Variants in OPCML observed in about 807,000 individuals in gnomAD.
OPCML encodes the protein opioid binding protein/cell adhesion molecule like.
A neutral mutation model predicts 37.8 loss-of-function variants in OPCML; 13 were observed. The observed-to-expected ratio is 0.34, with a 90% CI of 0.22 to 0.55. OPCML has a LOEUF of 0.55. Ranked by LOEUF, OPCML falls within the 20% of genes least tolerant of loss-of-function variation. OPCML has a pLI of 0.91. For missense variants in OPCML, 341 were observed against 435.6 expected, an observed-to-expected ratio of 0.78 and a Z score of 1.93; for synonymous variants, 176 against 168.8, an observed-to-expected ratio of 1.04 and a Z score of -0.33.
At chr11:132,904,305 C>T (rs1368317727) in intron 2 of OPCML, among the ~76,000 whole-genome samples, 2 of 152,222 alleles carry the variant, frequency 1.3e-5, no homozygotes, top group Non-Finnish European at 2.9e-5. Context: ...AGCTGCCCAG[C>T]ACTCATCCAT....
chr11:133,393,752 T>C (rs977366349), intron 1 of OPCML, among the ~76,000 whole-genome samples: 1 of 152,210 alleles, frequency 6.6e-6, no homozygotes, highest in African/African-American at 2.4e-5. Context: ...TTTTTACTTC[T>C]GAACATAACT....
intron 3 of OPCML, among the ~76,000 whole-genome samples, chr11:132,645,373 T>C (rs1204225218): frequency 6.6e-6 from 1 of 152,226 alleles, no homozygotes; most frequent in Non-Finnish European, 1.5e-5. Flanking sequence ...TTCCTAAGAA[T>C]AACTGACATT....
intron 3 of OPCML, among the ~76,000 whole-genome samples, chr11:132,608,907 A>G (rs1448064476): frequency 6.6e-6 from 1 of 152,136 alleles, no homozygotes; most frequent in East Asian, 1.9e-4. Flanking sequence ...GTGAGTTCCA[A>G]TATATCTGAG....
At chr11:132,421,374 G>A (rs2095958504) in intron 7 of OPCML, among the ~76,000 whole-genome samples, 2 of 152,316 alleles carry the variant, frequency 1.3e-5, no homozygotes, top group Non-Finnish European at 2.9e-5. Flanking sequence ...CTCAAGCCAG[G>A]ACTTCACAGC....
intron 3 of OPCML, among the ~76,000 whole-genome samples, chr11:132,628,508 A>ATTTTC (rs2135681724): frequency 6.6e-6 from 1 of 152,216 alleles, no homozygotes; most frequent in South Asian, 2.1e-4. Context: ...AGAAATAGGA[A>ATTTTC]AGGACTCACC....
At chr11:133,360,421 G>A (rs1230797554) in intron 1 of OPCML, 4 of 152,240 alleles carry the variant, frequency 2.6e-5, no homozygotes, top group African/African-American at 9.6e-5. Flanking sequence ...GCAGGGGAAG[G>A]AAGGAAGCCG....
rs1244177325 is a variant in OPCML at position 132,419,918 on chromosome 11, G to A, written c.*275C>T. The stretch of plus-strand genomic sequence containing the variant: ...TGATGAGGAGAGAAGCAGAGGAAAG[G>A]GAAGGGTCAAGGTAGCAGGAGCAGA... On this transcript the variant is annotated 3_prime_UTR_variant, in exon 8 of 8. Transcript: ENST00000524381. The A allele has an allele frequency of 1.0e-5, 4 of 398,154 alleles. No homozygotes were observed. The allele number at this position is 398,154 out of a possible 1,614,324, so 24.7% of individuals were successfully genotyped here.
intron 1 of OPCML, among the ~76,000 whole-genome samples, chr11:133,063,567 G>GT (rs1396234763): frequency 7.4e-5 from 9 of 121,516 alleles, no homozygotes; most frequent in South Asian, 5.5e-4. Context: ...CAGAGCTGTT[G>GT]GTTTTTTTTT....
chr11:133,302,513 G>A (rs1942806399), intron 1 of OPCML: 1 of 152,182 alleles, frequency 6.6e-6, no homozygotes, highest in Admixed American at 6.5e-5. Flanking sequence ...GCTTCATACA[G>A]AGAAGCGAAA....
chr11:133,088,975 G>C (rs907107805), intron 1 of OPCML, among the ~76,000 whole-genome samples: 2 of 152,200 alleles, frequency 1.3e-5, no homozygotes, highest in Non-Finnish European at 2.9e-5. Context: ...CCCATAGGAT[G>C]GCTAATAGTA....
At chr11:133,005,881 C>A in intron 1 of OPCML, 1 of 985,420 alleles carries the variant, frequency 1.0e-6, no homozygotes, top group Non-Finnish European at 1.2e-6. Flanking sequence ...ATTGCAGAAT[C>A]CTGGAATTTC....
chr11:132,947,336 G>T (rs763316154), intron 1 of OPCML, among the ~76,000 whole-genome samples: 4 of 152,170 alleles, frequency 2.6e-5, no homozygotes, highest in African/African-American at 7.2e-5. Context: ...CTCTTGCAAA[G>T]AAATAAACCA....
intron 1 of OPCML, among the ~76,000 whole-genome samples, chr11:133,070,500 G>A (rs1392278515): frequency 2.0e-5 from 3 of 152,142 alleles, no homozygotes; most frequent in Non-Finnish European, 2.9e-5. Context: ...GGCCAGAGGC[G>A]GGCCCACAAT....
At chr11:132,638,067 A>G (rs1398914366) in intron 3 of OPCML, among the ~76,000 whole-genome samples, 2 of 151,882 alleles carry the variant, frequency 1.3e-5, no homozygotes, top group South Asian at 4.2e-4. Context: ...GAACTTCTGC[A>G]TTTGTTTTCT....
chr11:132,419,064 C>T lies in OPCML; in HGVS notation c.*1129G>A, dbSNP rs2095948391. The stretch of plus-strand genomic sequence containing the variant: ...ATACCAGATTTTAAAGAGTCCACAA[C>T]ACAGGGTATTGCTTTTGTATTTTGT... On this transcript the variant is annotated 3_prime_UTR_variant, in exon 8 of 8. Transcript: ENST00000524381. 1 of 152,656 alleles carries T rather than the reference C, an allele frequency of 6.6e-6. No individual in the cohort carries two copies. The highest frequency in any genetic ancestry group is 6.5e-5 in the Admixed American group (1 of 15,286). 9.5% of individuals were successfully genotyped at this position (152,656 alleles called of 1,614,324 possible). A position where few individuals can be genotyped will look rare whatever the true frequency, so the allele number is the denominator to read the frequency against.
intron 4 of OPCML, among the ~76,000 whole-genome samples, chr11:132,491,614 T>C (rs2096215843): frequency 6.6e-6 from 1 of 152,270 alleles, no homozygotes; most frequent in African/African-American, 2.4e-5. Context: ...ATTCATAGCA[T>C]TAATCATTGC....
intron 2 of OPCML, chr11:132,772,460 C>T (rs1946672523): frequency 6.6e-6 from 1 of 152,212 alleles, no homozygotes; most frequent in Non-Finnish European, 1.5e-5. Context: ...AACAGCATGC[C>T]TTCCAGGGAC....
intron 4 of OPCML, among the ~76,000 whole-genome samples, chr11:132,494,441 A>C (rs985348700): frequency 6.6e-6 from 1 of 151,962 alleles, no homozygotes; most frequent in African/African-American, 2.4e-5. Flanking sequence ...TTTTTCTTCT[A>C]TTTTTGACAG....
At chr11:132,562,228 A>G (rs1016695342) in intron 3 of OPCML, among the ~76,000 whole-genome samples, 2 of 152,210 alleles carry the variant, frequency 1.3e-5, no homozygotes, top group African/African-American at 4.8e-5. Context: ...TTTTCAGAGC[A>G]AGATCTATAA....
Sources: allele counts gnomAD v4.1 joint callset (sites outside exome capture counted in the v4.1 genomes callset), GRCh38; gene constraint gnomAD v4.1.1; transcripts MANE v1.5; gene names NCBI Gene and HGNC (gene_info 2026-07-23, HGNC 2026-07-21).